The following EEIG2 variants were observed in gnomAD, a reference collection of about 807,000 sequenced individuals.
The protein encoded by EEIG2 is family with sequence similarity 102 member B.
chr1:108,603,445 C>G, the EEIG2 span, among the ~76,000 whole-genome samples: 1 of 23,082 alleles, frequency 4.3e-5, no homozygotes, highest in African/African-American at 7.3e-5. Context: ...ACACACAGAT[C>G]AGCCTTACAA....
At chr1:108,579,772 T>TGAGAGA in the EEIG2 span, among the ~76,000 whole-genome samples, 194 of 58,866 alleles carry the variant, frequency 3.3e-3, 10 homozygotes, top group Middle Eastern at 9.8e-3. Flanking sequence ...TGTGTGTGTG[T>TGAGAGA]GAGAGAGAGA....
chr1:108,569,232 A>G, the EEIG2 span, among the ~76,000 whole-genome samples: 2 of 152,220 alleles, frequency 1.3e-5, no homozygotes, highest in African/African-American at 4.8e-5. Flanking sequence ...TAGTGAGTAG[A>G]CTACCTCAGT....
At chr1:108,588,354 T>C in the EEIG2 span, among the ~76,000 whole-genome samples, 1 of 152,160 alleles carries the variant, frequency 6.6e-6, no homozygotes, top group Non-Finnish European at 1.5e-5. Context: ...TTTCTGCATA[T>C]CCTCACCAAC....
the EEIG2 span, among the ~76,000 whole-genome samples, chr1:108,616,967 C>T: frequency 7.2e-5 from 11 of 151,956 alleles, no homozygotes; most frequent in Non-Finnish European, 1.6e-4. Context: ...CAGGGGAGGC[C>T]CCCCCCGGTA....
the EEIG2 span, chr1:108,560,418 T>A: frequency 6.4e-7 from 1 of 1,572,368 alleles, no homozygotes. Flanking sequence ...TGCAGGCGCC[T>A]GGCTCTCACG....
chr1:108,587,756 G>A, the EEIG2 span, among the ~76,000 whole-genome samples: 1 of 152,110 alleles, frequency 6.6e-6, no homozygotes, highest in East Asian at 1.9e-4. Flanking sequence ...TGTGTATTCT[G>A]AAATTTTCGG....
chr1:108,606,390 A>G, the EEIG2 span: 1 of 469,732 alleles, frequency 2.1e-6, no homozygotes, highest in African/African-American at 2.0e-5. Context: ...GAGATTGAAC[A>G]GTTGGATCTA....
At chr1:108,588,983 G>A in the EEIG2 span, among the ~76,000 whole-genome samples, 1 of 152,126 alleles carries the variant, frequency 6.6e-6, no homozygotes, top group African/African-American at 2.4e-5. Flanking sequence ...AGGTCCTACT[G>A]TGTGCCAATC....
the EEIG2 span, among the ~76,000 whole-genome samples, chr1:108,591,750 C>T: frequency 4.6e-5 from 7 of 151,904 alleles, no homozygotes; most frequent in East Asian, 7.7e-4. Flanking sequence ...TATGGGACAC[C>T]GAGTTGCAGA....
At chr1:108,605,252 G>A in the EEIG2 span, among the ~76,000 whole-genome samples, 2 of 152,000 alleles carry the variant, frequency 1.3e-5, no homozygotes, top group Non-Finnish European at 2.9e-5. Context: ...TTATGGAAGG[G>A]CACTATTAAG....
the EEIG2 span, chr1:108,626,962 G>C: frequency 1.3e-5 from 2 of 152,096 alleles, no homozygotes; most frequent in Admixed American, 1.3e-4. Context: ...TTTTGTGCTT[G>C]TATTTTTGTA....
At chr1:108,560,663 G>A in the EEIG2 span, 1 of 1,399,072 alleles carries the variant, frequency 7.1e-7, no homozygotes, top group Non-Finnish European at 9.6e-7. Flanking sequence ...CCTTTCCCTA[G>A]GGACCGCTCT....
the EEIG2 span, among the ~76,000 whole-genome samples, chr1:108,567,568 T>A: frequency 2.0e-5 from 3 of 152,254 alleles, no homozygotes; most frequent in African/African-American, 7.2e-5. Flanking sequence ...ATAAAAATGG[T>A]AGGTAAATAT....
chr1:108,624,443 A>C, the EEIG2 span, among the ~76,000 whole-genome samples: 2 of 106,154 alleles, frequency 1.9e-5, no homozygotes, highest in African/African-American at 6.3e-5. Flanking sequence ...AAAAAAAAAA[A>C]AAAAAACCCT....
At chr1:108,575,010 T>C in the EEIG2 span, among the ~76,000 whole-genome samples, 1 of 152,248 alleles carries the variant, frequency 6.6e-6, no homozygotes, top group East Asian at 1.9e-4. Context: ...TGCGATTTAG[T>C]AGAATATACA....
the EEIG2 span, chr1:108,560,589 C>G: frequency 1.2e-6 from 2 of 1,603,964 alleles, no homozygotes; most frequent in East Asian, 2.2e-5. Flanking sequence ...CGCGCCGCCT[C>G]GCCCCTTTCT....
At chr1:108,627,859 AAGAT>A in the EEIG2 span, 4 of 288,434 alleles carry the variant, frequency 1.4e-5, no homozygotes, top group African/African-American at 6.4e-5. Flanking sequence ...TAGCAGTTTT[AAGAT>A]AGAGTGCTGT....
chr1:108,607,139 T>C, the EEIG2 span, among the ~76,000 whole-genome samples: 7 of 152,278 alleles, frequency 4.6e-5, no homozygotes, highest in Non-Finnish European at 4.4e-5. Context: ...ATCCACTGAC[T>C]GAAGAACGTC....
the EEIG2 span, among the ~76,000 whole-genome samples, chr1:108,608,858 C>G: frequency 6.6e-6 from 1 of 152,194 alleles, no homozygotes; most frequent in African/African-American, 2.4e-5. Flanking sequence ...GCTGGTGGAT[C>G]CAGTCTGGTG....
Sources: allele counts gnomAD v4.1 joint callset (sites outside exome capture counted in the v4.1 genomes callset), GRCh38; gene constraint gnomAD v4.1.1; transcripts MANE v1.5; gene names NCBI Gene and HGNC (gene_info 2026-07-23, HGNC 2026-07-21).